Variants in OSBPL10 observed in about 807,000 individuals in gnomAD.
OSBPL10 encodes the protein oxysterol binding protein like 10, also known as oxysterol-binding protein-related protein 10.
Under a neutral mutation model 81.7 loss-of-function variants are expected in OSBPL10, and 49 were observed. The observed-to-expected ratio is 0.60, with a 90% CI of 0.48 to 0.76. The LOEUF is 0.76. Ranked by LOEUF, OSBPL10 falls within the 30% of genes least tolerant of loss-of-function variation. The probability of loss-of-function intolerance (pLI) is 0.00; values close to 1 mark genes in which losing one functional copy is unlikely to be tolerated. For missense variants in OSBPL10, 923 were observed against 987.8 expected (o/e 0.93, Z 0.88); for synonymous variants, 419 against 383.6 (o/e 1.09, Z -1.08).
chr3:31,963,854 A>C (rs1172785659), intron 1 of OSBPL10, among the ~76,000 whole-genome samples: 5 of 151,038 alleles, frequency 3.3e-5, no homozygotes, highest in Non-Finnish European at 7.4e-5. Flanking sequence ...TTTTTTTTTA[A>C]TCTCAAGGTC....
chr3:31,675,727 C>T (rs901706416), intron 8 of OSBPL10, among the ~76,000 whole-genome samples: 9 of 151,828 alleles, frequency 5.9e-5, no homozygotes, highest in African/African-American at 9.7e-5. Context: ...GGGTGGATCA[C>T]GAGGTCAGGA....
intron 4 of OSBPL10, among the ~76,000 whole-genome samples, chr3:31,810,553 A>G (rs1197398106): frequency 2.0e-5 from 3 of 152,168 alleles, no homozygotes; most frequent in Non-Finnish European, 2.9e-5. Context: ...CAAATTATGA[A>G]GGTGAATTAT....
intron 5 of OSBPL10, among the ~76,000 whole-genome samples, chr3:31,736,358 T>C (rs1697175416): frequency 6.6e-6 from 1 of 152,248 alleles, no homozygotes; most frequent in Admixed American, 6.5e-5. Flanking sequence ...CACTTCATGT[T>C]ATTTTTTAAA....
At chr3:31,855,428 A>G (rs1700884943) in intron 3 of OSBPL10, among the ~76,000 whole-genome samples, 1 of 152,156 alleles carries the variant, frequency 6.6e-6, no homozygotes, top group Non-Finnish European at 1.5e-5. Flanking sequence ...TATATTTTTA[A>G]GTAGGAATAC....
At chr3:31,668,073 A>G (rs1700241380) in intron 10 of OSBPL10, among the ~76,000 whole-genome samples, 1 of 152,184 alleles carries the variant, frequency 6.6e-6, no homozygotes, top group Admixed American at 6.5e-5. Context: ...AAACCATTTT[A>G]TGTTGTTTAA....
At chr3:31,903,138 A>T (rs1696300453) in intron 1 of OSBPL10, among the ~76,000 whole-genome samples, 1 of 152,172 alleles carries the variant, frequency 6.6e-6, no homozygotes, top group Non-Finnish European at 1.5e-5. Flanking sequence ...AAGATATACT[A>T]AGCACTAAGT....
At chr3:31,720,881 C>CAAAAAAAA (rs61492992) in intron 6 of OSBPL10, among the ~76,000 whole-genome samples, 23 of 66,304 alleles carry the variant, frequency 3.5e-4, no homozygotes, top group African/African-American at 1.4e-3. Flanking sequence ...GACTCTGTCT[C>CAAAAAAAA]AAAAAAAAAA....
intron 6 of OSBPL10, among the ~76,000 whole-genome samples, chr3:31,705,652 T>C (rs1282654743): frequency 2.0e-5 from 3 of 152,174 alleles, no homozygotes; most frequent in Non-Finnish European, 4.4e-5. Flanking sequence ...GATGGATAAT[T>C]ATCATCCTTT....
chr3:31,847,213 A>G (rs1392788905), intron 3 of OSBPL10, among the ~76,000 whole-genome samples: 1 of 150,756 alleles, frequency 6.6e-6, no homozygotes, highest in Non-Finnish European at 1.5e-5. Context: ...TTTTTTTTTA[A>G]AAAGACAGAA....
intron 6 of OSBPL10, chr3:31,719,065 C>T (rs1696550535): frequency 6.6e-6 from 1 of 152,318 alleles, no homozygotes; most frequent in East Asian, 1.9e-4. Flanking sequence ...CCCTACAAAA[C>T]AGCCCACATG....
chr3:31,773,110 G>T (rs1275465761), intron 4 of OSBPL10, among the ~76,000 whole-genome samples: 1 of 151,566 alleles, frequency 6.6e-6, no homozygotes, highest in East Asian at 1.9e-4. Context: ...CACAAATGTA[G>T]CTGTTTTCTA....
intron 1 of OSBPL10, among the ~76,000 whole-genome samples, chr3:32,054,941 T>C (rs1699696665): frequency 6.6e-6 from 1 of 152,160 alleles, no homozygotes; most frequent in South Asian, 2.1e-4. Flanking sequence ...TTGACGGGTA[T>C]AGGACATTGA....
chr3:32,041,637 CTCTTTCTTTCTTTT>C (rs892010655), intron 2 of OSBPL10, among the ~76,000 whole-genome samples: 47 of 89,310 alleles, frequency 5.3e-4, no homozygotes, highest in African/African-American at 9.0e-4. Context: ...TTCTTTCTTT[CTCTTTCTTTCTTTT>C]TCTTTCTTTC....
rs185538126 is a variant in OSBPL10, at chr3:31,865,279, G to A, written c.537+11154C>T. On this transcript the variant is annotated intron_variant, in intron 3 of 11. Coordinates refer to ENST00000396556, the MANE Select transcript of OSBPL10 (RefSeq NM_017784.5). ...GCTCTATATCTGTGCTGTCCAATAC[G>A]CAGCCATCAGCCAGATGTGGCTACT... is the stretch of plus-strand genomic sequence containing the variant. 2.7e-3 allele frequency among the ~76,000 whole-genome samples: 405 copies of A among 152,290 alleles called. 5 individuals carry two copies. The highest frequency in any genetic ancestry group is 8.7e-3 in the African/African-American group (363 of 41,578).
intron 1 of OSBPL10, among the ~76,000 whole-genome samples, chr3:32,052,028 C>T (rs1157344971): frequency 6.6e-6 from 1 of 151,944 alleles, no homozygotes; most frequent in Non-Finnish European, 1.5e-5. Flanking sequence ...AGGTGATCAC[C>T]TGAGCTCAGG....
intron 4 of OSBPL10, among the ~76,000 whole-genome samples, chr3:31,767,314 G>C (rs1384694208): frequency 6.6e-6 from 1 of 152,118 alleles, no homozygotes; most frequent in Non-Finnish European, 1.5e-5. Flanking sequence ...ACTCAACTGT[G>C]GTCCCTGCAA....
intron 4 of OSBPL10, among the ~76,000 whole-genome samples, chr3:31,811,001 G>C (rs756167752): frequency 1.3e-5 from 2 of 152,136 alleles, no homozygotes; most frequent in African/African-American, 4.8e-5. Flanking sequence ...TCCAGGTGTC[G>C]AGGAGGTCAA....
chr3:31,686,299 G>C (rs1700791390), intron 7 of OSBPL10, among the ~76,000 whole-genome samples: 1 of 152,214 alleles, frequency 6.6e-6, no homozygotes, highest in Admixed American at 6.5e-5. Context: ...TCCAGAGAGA[G>C]ATAGGCAGAC....
At chr3:31,826,959 C>G (rs1448718154) in intron 4 of OSBPL10, among the ~76,000 whole-genome samples, 1 of 152,144 alleles carries the variant, frequency 6.6e-6, no homozygotes, top group Non-Finnish European at 1.5e-5. Context: ...TGTCAACAAT[C>G]TTACTTAAAT....
Sources: allele counts gnomAD v4.1 joint callset (sites outside exome capture counted in the v4.1 genomes callset), GRCh38; gene constraint gnomAD v4.1.1; transcripts MANE v1.5; gene names NCBI Gene and HGNC (gene_info 2026-07-23, HGNC 2026-07-21).